Variants in TRIM65 observed in about 807,000 individuals in gnomAD.
TRIM65 encodes tripartite motif containing 65.
A neutral mutation model predicts 36.1 loss-of-function variants in TRIM65; 46 were observed. That is an observed-to-expected ratio of 1.27 (90% CI 1.01 to 1.63). The LOEUF is 1.63. Among genes scored for constraint, TRIM65 ranks in the 40% most tolerant of loss-of-function variants. The pLI, the probability that TRIM65 is intolerant of heterozygous loss-of-function variation, is 0.00. For synonymous variants in TRIM65, 346 were observed against 313.6 expected, an observed-to-expected ratio of 1.10 and a Z score of -1.09; for missense variants, 708 against 696.6, an observed-to-expected ratio of 1.02 and a Z score of -0.18.
downstream of TRIM65, among the ~76,000 whole-genome samples, chr17:75,885,525 G>A (rs1057210153): frequency 3.9e-5 from 6 of 152,220 alleles, no homozygotes; most frequent in African/African-American, 1.4e-4. Flanking sequence ...GATTGCAGGC[G>A]GGAGCCACCG....
downstream of TRIM65, among the ~76,000 whole-genome samples, chr17:75,884,923 G>C (rs1203068183): frequency 6.7e-6 from 1 of 148,686 alleles, no homozygotes; most frequent in Non-Finnish European, 1.5e-5. Flanking sequence ...GAGCCACCTC[G>C]CCCCACTTGA....
chr17:75,892,728 G>C (rs747730163), intron 2 of TRIM65, 27 bp downstream of exon 2: 5 of 1,592,134 alleles, frequency 3.1e-6, no homozygotes, highest in Non-Finnish European at 3.4e-6. Context: ...TGAGGCCATG[G>C]TGGGCGGGCA....
At chr17:75,887,528 T>G (rs1032856672), downstream of TRIM65, among the ~76,000 whole-genome samples, 1 of 151,048 alleles carries the variant, frequency 6.6e-6, no homozygotes, top group Admixed American at 6.6e-5. Flanking sequence ...GTGCCTGTAG[T>G]CCTAGCTACT....
chr17:75,892,007 T>C lies in TRIM65; in HGVS notation c.919+4A>G. 6.4e-7 allele frequency: 1 copy of C among 1,552,572 alleles called. No homozygotes were observed. Reference sequence around the variant, plus strand: ...AGCAGGGGGAGGCCTGGGGTCAGTCTTACCCACGGGGGCTAAGTCCACAGG... The same window carrying C: ...AGCAGGGGGAGGCCTGGGGTCAGTCCTACCCACGGGGGCTAAGTCCACAGG... On this transcript the variant is annotated splice_donor_region_variant and intron_variant, in intron 4 of 5. Coordinates refer to ENST00000269383, the MANE Select transcript of TRIM65 (RefSeq NM_173547.4).
chr17:75,896,932 G>A lies in TRIM65; in HGVS notation c.6C>T (p.Ala2=), dbSNP rs113111567. The A allele has an allele frequency of 2.0e-6, 3 of 1,496,070 alleles. No individual in the cohort carries two copies. Among genetic ancestry groups the A allele is most frequent in the South Asian group, 1.2e-5 (1 of 80,138 alleles). 92.7% of individuals were successfully genotyped at this position (1,496,070 alleles called of 1,614,324 possible). A position where few individuals can be genotyped will look rare whatever the true frequency, so the allele number is the denominator to read the frequency against. ...TCAGCTTCTCCTCCAGCAGCTGCGC[G>A]GCCATGGCCCGGCGGCGGCGAGAGC... M[A]AQLLEEKLTC... Residue 2 remains alanine (A), a synonymous_variant, in exon 1 of 6, where the codon GCC becomes GCT. Transcript: ENST00000269383.
In TRIM65 at chr17:75,890,710, T is replaced by G; in HGVS notation, c.*69A>C. 1 of 1,344,478 alleles carries G rather than the reference T, an allele frequency of 7.4e-7. No homozygotes were observed. Among genetic ancestry groups the G allele is most frequent in the Non-Finnish European group, 9.8e-7 (1 of 1,020,864 alleles). 83.3% of individuals were successfully genotyped at this position (1,344,478 alleles called of 1,614,324 possible). On this transcript the variant is annotated 3_prime_UTR_variant, in exon 6 of 6. Transcript: ENST00000269383. The stretch of plus-strand genomic sequence containing the variant: ...ACAGCTGGTCCTCCAGTCCCCAAGC[T>G]GAAGCTGGGCAGCTCTTGGGCACAT...
At chr17:75,894,910 C>T (rs2065324191) in intron 1 of TRIM65, among the ~76,000 whole-genome samples, 1 of 152,360 alleles carries the variant, frequency 6.6e-6, no homozygotes, top group Non-Finnish European at 1.5e-5. Context: ...ACTCATGGTG[C>T]ACAAGCTGCA....
chr17:75,891,664 T>C (rs1298832491), intron 5 of TRIM65, 149 bp downstream of exon 5: 1 of 1,071,712 alleles, frequency 9.3e-7, no homozygotes, highest in Non-Finnish European at 1.4e-6. Flanking sequence ...GGGACCAGGC[T>C]CAGATGTCCC....
At chr17:75,887,930 T>C (rs2065221269), downstream of TRIM65, among the ~76,000 whole-genome samples, 2 of 151,832 alleles carry the variant, frequency 1.3e-5, no homozygotes, top group African/African-American at 4.8e-5. Flanking sequence ...CCAAGGTGGG[T>C]GGATCACAAG....
chr17:75,884,935 T>G (rs1010184869), downstream of TRIM65, among the ~76,000 whole-genome samples: 3 of 140,076 alleles, frequency 2.1e-5, no homozygotes, highest in African/African-American at 8.5e-5. Context: ...CCCACTTGAG[T>G]TCCTTTTTTT....
In TRIM65 at chr17:75,890,015, A is replaced by C. The variant is rs2065244452; in HGVS notation, c.*764T>G. 6.6e-6 allele frequency: 1 copy of C among 152,246 alleles called. No homozygotes were observed. The allele number at this position is 152,246 out of a possible 1,614,324, so 9.4% of individuals were successfully genotyped here. On this transcript the variant is annotated 3_prime_UTR_variant, in exon 6 of 6. Coordinates refer to ENST00000269383, the MANE Select transcript of TRIM65 (RefSeq NM_173547.4). The stretch of plus-strand genomic sequence containing the variant: ...ATAAATAAACTTGATAGTCATTAGA[A>C]TGACTACAGCAATCAGTGAAAATTT...
At chr17:75,894,333 G>A (rs115296731) in intron 1 of TRIM65, among the ~76,000 whole-genome samples, 3,847 of 152,198 alleles carry the variant, frequency 0.025, 139 homozygotes, top group African/African-American at 0.077. Context: ...TCCTGTCTTC[G>A]CTGCTGAAAT....
Position 75,892,166 on chromosome 17 carries a change from G to A in TRIM65, c.764C>T (p.Pro255Leu), listed in dbSNP as rs769094700. 7 of 1,570,162 alleles carry A rather than the reference G, an allele frequency of 4.5e-6. No homozygotes were observed. In the East Asian group the frequency reaches 1.6e-4, roughly 37 times the overall value. ...GGTCAGTGGCCCAAGAGGCCCTGGG[G>A]GCTGGAGGAGCTGCGATTCCTGAGC... ...TFLQESQLLQ[P>L]PGPLGPLTPL... The change falls in exon 4 of 6, where the codon CCC becomes CTC. Residue 255 changes from proline to leucine, a missense_variant. By Grantham distance (98) the Pro-to-Leu change is moderately conservative (BLOSUM62 -3). Transcript: ENST00000269383.
downstream of TRIM65, among the ~76,000 whole-genome samples, chr17:75,887,406 T>G (rs902133502): frequency 8.6e-5 from 13 of 151,584 alleles, no homozygotes; most frequent in African/African-American, 3.1e-4. Flanking sequence ...ATCACTTGAA[T>G]GTGGAAGGCA....
At chr17:75,895,921 C>T (rs2065339706) in intron 1 of TRIM65, among the ~76,000 whole-genome samples, 1 of 152,196 alleles carries the variant, frequency 6.6e-6, no homozygotes, top group Non-Finnish European at 1.5e-5. Flanking sequence ...TTCTCTAGCG[C>T]TTGGGCACGG....
downstream of TRIM65, among the ~76,000 whole-genome samples, chr17:75,887,646 C>CAAA (rs35086337): frequency 1.1e-5 from 1 of 90,672 alleles, no homozygotes. Flanking sequence ...GACTCCGTCT[C>CAAA]AAAAAAAAAA....
chr17:75,887,295 C>A (rs558135995), downstream of TRIM65, among the ~76,000 whole-genome samples: 7 of 151,240 alleles, frequency 4.6e-5, no homozygotes, highest in African/African-American at 1.7e-4. Flanking sequence ...ACCAGCCTGG[C>A]CAAACTGGTG....
rs1214979049 is a variant in TRIM65 at position 75,889,863 on chromosome 17, G to A, written c.*916C>T. 2.6e-5 allele frequency: 4 copies of A among 152,142 alleles called. No homozygotes were observed. Among genetic ancestry groups the A allele is most frequent in the African/African-American group, 9.7e-5 (4 of 41,420 alleles). 9.4% of individuals were successfully genotyped at this position (152,142 alleles called of 1,614,324 possible). Reference sequence around the variant, plus strand: ...AGCTACTCAGGAGGCTGAGGTAGGAGAATCCCATGAGCCCATGACCGCACC... The same window carrying A: ...AGCTACTCAGGAGGCTGAGGTAGGAAAATCCCATGAGCCCATGACCGCACC... On this transcript the variant is annotated 3_prime_UTR_variant, in exon 6 of 6. Coordinates refer to ENST00000269383, the MANE Select transcript of TRIM65 (RefSeq NM_173547.4).
At position 75,896,865 on chromosome 17, in the gene TRIM65, G is replaced by C. The variant is rs777877302; in HGVS notation, c.73C>G (p.Leu25Val). 6.5e-7 allele frequency: 1 copy of C among 1,531,292 alleles called. No individual in the cohort carries two copies. The highest frequency in any genetic ancestry group is 1.4e-5 in the African/African-American group (1 of 71,034). 94.9% of individuals were successfully genotyped at this position (1,531,292 alleles called of 1,614,324 possible). Residue 25 changes from leucine to valine, a missense_variant, in exon 1 of 6, where the codon CTG becomes GTG. Coordinates refer to ENST00000269383, the MANE Select transcript of TRIM65 (RefSeq NM_173547.4). ...CCGCAGAAGTTGTGGCCGCAGGGCA[G>C]CGTCACTGGGTCCTGGTAGAGCCCC... is the stretch of plus-strand genomic sequence containing the variant. Reference protein sequence around the residue: ...CLGLYQDPVTLPCGHNFCGAC... With the variant: ...CLGLYQDPVTVPCGHNFCGAC...
Sources: gnomAD v4.1 joint callset for allele counts (sites outside exome capture counted in the v4.1 genomes callset) on GRCh38, gnomAD v4.1.1 for gene constraint, MANE v1.5 for transcripts, NCBI Gene and HGNC (gene_info 2026-07-23, HGNC 2026-07-21) for gene names.